Variants in COL9A1 observed in about 807,000 individuals in gnomAD.
COL9A1 encodes the protein collagen alpha-1(IX) chain.
A neutral mutation model predicts 142.6 loss-of-function variants in COL9A1; 104 were observed. That is an observed-to-expected ratio of 0.73 (90% CI 0.62 to 0.86). The LOEUF (loss-of-function observed/expected upper bound fraction) is 0.86, where lower values mean the gene tolerates loss of function less well. Among genes scored for constraint, COL9A1 ranks in the 40% least tolerant of loss-of-function variants. The pLI is 0.00. For synonymous variants in COL9A1, 466 were observed against 396.0 expected (o/e 1.18, Z -2.10); for missense variants, 1,210 against 1,176.6 (o/e 1.03, Z -0.42).
intron 2 of COL9A1, among the ~76,000 whole-genome samples, chr6:70,300,722 A>C (rs1024769871): frequency 6.6e-6 from 1 of 152,178 alleles, no homozygotes; most frequent in Non-Finnish European, 1.5e-5. Flanking sequence ...GAGGTTAGGC[A>C]TTTGTTCCTT....
chr6:70,270,836 T>C (rs1772348766), intron 14 of COL9A1, among the ~76,000 whole-genome samples: 1 of 152,176 alleles, frequency 6.6e-6, no homozygotes, highest in African/African-American at 2.4e-5. Flanking sequence ...ACCCACAATC[T>C]ATCACTTGGT....
chr6:70,223,157 C>T (rs1465952439), intron 37 of COL9A1, among the ~76,000 whole-genome samples: 3 of 152,108 alleles, frequency 2.0e-5, no homozygotes, highest in Non-Finnish European at 4.4e-5. Flanking sequence ...TGCTGATCAA[C>T]GGCAAGAGAA....
intron 4 of COL9A1, among the ~76,000 whole-genome samples, chr6:70,295,556 G>A (rs1773823118): frequency 6.6e-6 from 1 of 152,012 alleles, no homozygotes; most frequent in Non-Finnish European, 1.5e-5. Context: ...CCATAGTGCT[G>A]GGATTACAGG....
At chr6:70,223,357 C>A (rs1007586967) in intron 37 of COL9A1, among the ~76,000 whole-genome samples, 6 of 152,108 alleles carry the variant, frequency 3.9e-5, no homozygotes, top group Non-Finnish European at 8.8e-5. Flanking sequence ...TCAGAATTAC[C>A]CTATCAGAGA....
At chr6:70,241,315 C>T in intron 31 of COL9A1, 104 bp downstream of exon 31, 3 of 933,408 alleles carry the variant, frequency 3.2e-6, no homozygotes, top group South Asian at 2.6e-5. Flanking sequence ...AAACTGTTAG[C>T]CTTCATGGTT....
intron 17 of COL9A1, among the ~76,000 whole-genome samples, chr6:70,268,110 C>T (rs758545920): frequency 1.3e-5 from 2 of 152,164 alleles, no homozygotes; most frequent in Non-Finnish European, 1.5e-5. Context: ...CTTTTCCTGA[C>T]TATTTTGCAC....
intron 36 of COL9A1, among the ~76,000 whole-genome samples, chr6:70,226,567 T>C (rs1562287510): frequency 6.6e-6 from 1 of 152,022 alleles, no homozygotes; most frequent in Non-Finnish European, 1.5e-5. Flanking sequence ...GAAATTAAAA[T>C]TTTATATATA....
chr6:70,261,856 T>A (rs1771711619), intron 19 of COL9A1, among the ~76,000 whole-genome samples: 1 of 152,196 alleles, frequency 6.6e-6, no homozygotes. Flanking sequence ...AGAACAGAGC[T>A]TTTTCTAAAT....
chr6:70,277,537 A>T (rs1772850458), intron 10 of COL9A1, among the ~76,000 whole-genome samples: 2 of 152,202 alleles, frequency 1.3e-5, no homozygotes, highest in Non-Finnish European at 2.9e-5. Context: ...TCATACAGAC[A>T]AACTTCTATA....
downstream of COL9A1, chr6:70,215,719 G>A (rs1482943531): frequency 2.0e-5 from 3 of 152,174 alleles, no homozygotes; most frequent in Non-Finnish European, 4.4e-5. Flanking sequence ...AAAGTTCTGA[G>A]TAGGAGGGAG....
chr6:70,292,940 G>C (rs1055790680), intron 5 of COL9A1, among the ~76,000 whole-genome samples: 1 of 152,186 alleles, frequency 6.6e-6, no homozygotes, highest in Non-Finnish European at 1.5e-5. Flanking sequence ...CTACAAGCCA[G>C]AGCAGTAACA....
chr6:70,303,023 A>G lies in COL9A1; in HGVS notation c.-99T>C, dbSNP rs1403476416. ...ACGACCCCTTCACTGTTACCCTAGG[A>G]CTATGTGTTCTGGGCCCAGCCTTGG... On this transcript the variant is annotated 5_prime_UTR_variant, in exon 1 of 38. Coordinates refer to ENST00000357250, the MANE Select transcript of COL9A1 (RefSeq NM_001851.6). The G allele has an allele frequency of 3.0e-6, 4 of 1,315,038 alleles. No homozygotes were observed. In the Admixed American group the frequency reaches 6.7e-5, roughly 22 times the overall value. 81.5% of individuals were successfully genotyped at this position (1,315,038 alleles called of 1,614,324 possible).
intron 12 of COL9A1, among the ~76,000 whole-genome samples, chr6:70,273,569 C>A (rs1242964809): frequency 1.3e-5 from 2 of 152,074 alleles, no homozygotes; most frequent in African/African-American, 4.8e-5. Context: ...ATAACACACA[C>A]CTGCCATATT....
intron 15 of COL9A1, 65 bp downstream of exon 15, chr6:70,270,249 T>G: frequency 1.3e-6 from 2 of 1,499,000 alleles, no homozygotes; most frequent in Non-Finnish European, 1.9e-6. Context: ...CCATTTTGGA[T>G]TCTTAGATTT....
intron 36 of COL9A1, among the ~76,000 whole-genome samples, chr6:70,228,610 T>G (rs1284819105): frequency 6.6e-6 from 1 of 152,152 alleles, no homozygotes; most frequent in Admixed American, 6.5e-5. Context: ...AAAAAATATC[T>G]GTATAACCAT....
chr6:70,239,994 AT>A (rs1370618356), intron 32 of COL9A1, among the ~76,000 whole-genome samples: 1 of 152,110 alleles, frequency 6.6e-6, no homozygotes, highest in South Asian at 2.1e-4. Context: ...CATTTCTAGG[AT>A]TTTTTTCCTG....
At chr6:70,263,005 T>G (rs10945209) in intron 19 of COL9A1, among the ~76,000 whole-genome samples, 2 of 152,010 alleles carry the variant, frequency 1.3e-5, no homozygotes, top group Admixed American at 1.3e-4. Flanking sequence ...ATCTGGTAAA[T>G]GAATGTATGT....
In COL9A1 at chr6:70,238,859, C is replaced by G. The variant is rs975909908; in HGVS notation, c.2112+395G>C. ...AAGTCCTTTAAGAGTTGAGTGTTGGCCGGGTGTGGTGGCTCACACCTGTAA... is the reference window on the plus strand; with the variant it reads ...AAGTCCTTTAAGAGTTGAGTGTTGGGCGGGTGTGGTGGCTCACACCTGTAA... On this transcript the variant is annotated intron_variant, in intron 33 of 37. Coordinates refer to ENST00000357250, the MANE Select transcript of COL9A1 (RefSeq NM_001851.6). Among the ~76,000 whole-genome samples, 5 of 152,186 alleles carry G rather than the reference C, an allele frequency of 3.3e-5. No homozygotes were observed. In the East Asian group the frequency reaches 5.8e-4, roughly 18 times the overall value.
intron 2 of COL9A1, among the ~76,000 whole-genome samples, chr6:70,301,718 C>T (rs186653486): frequency 6.6e-6 from 1 of 152,248 alleles, no homozygotes; most frequent in East Asian, 1.9e-4. Flanking sequence ...ATGTATTCAC[C>T]CAACATTTAC....
Sources: gnomAD v4.1 joint callset for allele counts (sites outside exome capture counted in the v4.1 genomes callset) on GRCh38, gnomAD v4.1.1 for gene constraint, MANE v1.5 for transcripts, NCBI Gene and HGNC (gene_info 2026-07-23, HGNC 2026-07-21) for gene names.